Variants in HMGCLL1 observed in about 807,000 individuals in gnomAD.
The protein encoded by HMGCLL1 is 3-hydroxy-3-methylglutaryl-CoA lyase like 1.
HMGCLL1 carries 36 observed loss-of-function variants against 39.1 expected under a neutral mutation model. That is an observed-to-expected ratio of 0.92 (90% confidence interval 0.71 to 1.22). The LOEUF (loss-of-function observed/expected upper bound fraction) is 1.22. Among genes scored for constraint, HMGCLL1 ranks in the 50% most tolerant of loss-of-function variants. The probability of loss-of-function intolerance (pLI) is 0.00; values close to 1 mark genes in which losing one functional copy is unlikely to be tolerated. For synonymous variants in HMGCLL1, 149 were observed against 144.0 expected, an observed-to-expected ratio of 1.03 and a Z score of -0.25; for missense variants, 451 against 416.5, an observed-to-expected ratio of 1.08 and a Z score of -0.72.
intron 7 of HMGCLL1, among the ~76,000 whole-genome samples, chr6:55,457,938 A>G (rs1764396964): frequency 6.6e-6 from 1 of 152,150 alleles, no homozygotes; most frequent in Admixed American, 6.5e-5. Flanking sequence ...ACATTGTGGG[A>G]GGAAGAGAGA....
chr6:55,619,442 A>T, the HMGCLL1 span, among the ~76,000 whole-genome samples: 4 of 152,214 alleles, frequency 2.6e-5, no homozygotes, highest in Admixed American at 2.6e-4. Context: ...AAATAACAAT[A>T]GTGGCACATG....
At chr6:55,577,005 C>T in intron 1 of HMGCLL1, 1 of 1,577,654 alleles carries the variant, frequency 6.3e-7, no homozygotes. Context: ...GTAATCAAAT[C>T]AGTGAGTGTA....
chr6:55,443,390 G>A lies in HMGCLL1; in HGVS notation c.796-3831C>T, dbSNP rs533658354. The stretch of plus-strand genomic sequence containing the variant: ...TTCACTTCTGGGATCTGGAATCCAC[G>A]TATCATGTTCCTTTTCTCGCTACTG... On this transcript the variant is annotated intron_variant, in intron 7 of 8. Coordinates refer to ENST00000274901, the MANE Select transcript of HMGCLL1 (RefSeq NM_001042406.2). Among the ~76,000 whole-genome samples the A allele has an allele frequency of 7.1e-4, 108 of 152,260 alleles. 1 individual carries two copies. The highest frequency in any genetic ancestry group is 3.4e-3 in the Middle Eastern group (1 of 294).
intron 1 of HMGCLL1, among the ~76,000 whole-genome samples, chr6:55,549,144 T>G: frequency 1.2e-5 from 1 of 81,442 alleles, no homozygotes; most frequent in East Asian, 3.2e-4. Flanking sequence ...AGGTGTTTCA[T>G]TACAATTACA....
intron 1 of HMGCLL1, among the ~76,000 whole-genome samples, chr6:55,575,086 A>G (rs1771698189): frequency 6.6e-6 from 1 of 152,088 alleles, no homozygotes. Context: ...TCGCTTCACT[A>G]GGAAACTTAA....
At chr6:55,502,629 C>T (rs775435834) in intron 5 of HMGCLL1, among the ~76,000 whole-genome samples, 32 of 151,314 alleles carry the variant, frequency 2.1e-4, no homozygotes, top group Non-Finnish European at 7.4e-5. Context: ...AATTCATTCA[C>T]TTTTGTATTT....
the HMGCLL1 span, among the ~76,000 whole-genome samples, chr6:55,620,719 T>C: frequency 6.6e-6 from 1 of 152,030 alleles, no homozygotes; most frequent in African/African-American, 2.4e-5. Flanking sequence ...ATGTTTTCTT[T>C]TAGTAGTTTT....
chr6:55,524,983 A>T (rs2127444440), intron 3 of HMGCLL1, among the ~76,000 whole-genome samples: 1 of 149,592 alleles, frequency 6.7e-6, no homozygotes, highest in South Asian at 2.1e-4. Context: ...TAATAGTAAT[A>T]GTAATTAATA....
intron 1 of HMGCLL1, among the ~76,000 whole-genome samples, chr6:55,553,686 T>C (rs1159576751): frequency 6.6e-6 from 1 of 152,216 alleles, no homozygotes; most frequent in African/African-American, 2.4e-5. Flanking sequence ...CAATGTTTGT[T>C]GCTTCCCTTT....
chr6:55,678,573 A>AGAGAAGGGG, the HMGCLL1 span, among the ~76,000 whole-genome samples: 1 of 152,168 alleles, frequency 6.6e-6, no homozygotes, highest in African/African-American at 2.4e-5. Flanking sequence ...GGAACCATCG[A>AGAGAAGGGG]GAGAAGGGGA....
At chr6:55,641,904 TTATTTATTTA>T in the HMGCLL1 span, among the ~76,000 whole-genome samples, 1 of 147,956 alleles carries the variant, frequency 6.8e-6, no homozygotes, top group African/African-American at 2.5e-5. Flanking sequence ...ATTTATTTAT[TTATTTATTTA>T]TTTTTTATTA....
chr6:55,625,156 T>C, the HMGCLL1 span, among the ~76,000 whole-genome samples: 1 of 152,218 alleles, frequency 6.6e-6, no homozygotes, highest in South Asian at 2.1e-4. Context: ...TACTCTCCTT[T>C]TGAGAGATAG....
At chr6:55,495,275 G>C (rs1324025395) in intron 7 of HMGCLL1, 144 bp downstream of exon 7, 1 of 588,670 alleles carries the variant, frequency 1.7e-6, no homozygotes, top group Non-Finnish European at 2.8e-6. Flanking sequence ...TATTTCCCAA[G>C]TGCCTGTCAT....
At position 55,478,520 on chromosome 6, in the gene HMGCLL1, A is replaced by C. The variant is rs551052307; in HGVS notation, c.795+16899T>G. Reference sequence around the variant, plus strand: ...ATTCACAGATTATAAAGGAACAAATATATGTTTTAAAATAATTAAAAATGT... The same window carrying C: ...ATTCACAGATTATAAAGGAACAAATCTATGTTTTAAAATAATTAAAAATGT... On this transcript the variant is annotated intron_variant, in intron 7 of 8. Transcript: ENST00000274901. 1.9e-3 allele frequency among the ~76,000 whole-genome samples: 286 copies of C among 151,672 alleles called. 2 individuals are homozygous for C. The highest frequency in any genetic ancestry group is 0.013 in the South Asian group (64 of 4,830).
At chr6:55,604,545 GTT>G in the HMGCLL1 span, among the ~76,000 whole-genome samples, 4 of 152,024 alleles carry the variant, frequency 2.6e-5, no homozygotes, top group African/African-American at 4.8e-5. Context: ...ATTTTTGAAA[GTT>G]AGTATATTAT....
intron 7 of HMGCLL1, among the ~76,000 whole-genome samples, chr6:55,464,133 A>C (rs1764698816): frequency 6.6e-6 from 1 of 152,162 alleles, no homozygotes; most frequent in South Asian, 2.1e-4. Flanking sequence ...ATTAACATTA[A>C]ATTCCAAGAG....
chr6:55,558,662 C>G (rs760086907), intron 1 of HMGCLL1, among the ~76,000 whole-genome samples: 1 of 152,152 alleles, frequency 6.6e-6, no homozygotes, highest in Non-Finnish European at 1.5e-5. Context: ...AGAGCCACTG[C>G]TCCAAGAATC....
chr6:55,449,399 G>A (rs1372646979), intron 7 of HMGCLL1, among the ~76,000 whole-genome samples: 1 of 152,238 alleles, frequency 6.6e-6, no homozygotes, highest in African/African-American at 2.4e-5. Context: ...GAGCCACAAG[G>A]TGGAAGCAGC....
chr6:55,533,712 C>G (rs1240251496), intron 3 of HMGCLL1, among the ~76,000 whole-genome samples: 1 of 150,346 alleles, frequency 6.7e-6, no homozygotes. Context: ...CGGTGAAACC[C>G]CGTCTCTACT....
Sources: gnomAD v4.1 joint callset for allele counts (sites outside exome capture counted in the v4.1 genomes callset) on GRCh38, gnomAD v4.1.1 for gene constraint, MANE v1.5 for transcripts, NCBI Gene and HGNC (gene_info 2026-07-23, HGNC 2026-07-21) for gene names.